GTF3C3: variants seen among roughly 807,000 people sequenced by gnomAD.
The protein encoded by GTF3C3 is general transcription factor IIIC subunit 3, also known as general transcription factor 3C polypeptide 3.
In GTF3C3, 75 loss-of-function variants were observed where a neutral mutation model predicts 105.2. The observed-to-expected ratio is 0.71, with a 90% CI of 0.59 to 0.86. The LOEUF is 0.86. Among genes scored for constraint, GTF3C3 ranks in the 40% least tolerant of loss-of-function variants. The pLI, the probability that GTF3C3 is intolerant of heterozygous loss-of-function variation, is 0.00. For missense variants in GTF3C3, 856 were observed against 1,076.5 expected (o/e 0.80, Z 2.87); for synonymous variants, 335 against 370.4 (o/e 0.90, Z 1.10).
intron 2 of GTF3C3, among the ~76,000 whole-genome samples, chr2:196,794,508 C>G (rs896552276): frequency 6.6e-6 from 1 of 152,246 alleles, no homozygotes; most frequent in Middle Eastern, 3.4e-3. Context: ...AATCTCAGCT[C>G]ACCGCAACCT....
rs778427903 is a variant in GTF3C3 at position 196,791,402 on chromosome 2, T to C, written c.470A>G (p.Asn157Ser). The change falls in exon 4 of 18, where the codon AAC (asparagine) becomes AGC (serine). Residue 157 changes from asparagine to serine, a missense_variant. Coordinates refer to ENST00000263956, the MANE Select transcript of GTF3C3 (RefSeq NM_012086.5). The stretch of plus-strand genomic sequence containing the variant: ...ACGTTCTCCTCGAGCAAAACGAATG[T>C]TGGCTTCACCCATGAGACCTCTCAG... ...RALRGLMGEA[N>S]IRFARGEREE... is the part of the protein sequence containing the mutation. The C allele has an allele frequency of 6.2e-7, 1 of 1,614,062 alleles. No individual in the cohort carries two copies. Among genetic ancestry groups the C allele is most frequent in the East Asian group, 2.2e-5 (1 of 44,872 alleles).
intron 12 of GTF3C3, 53 bp from the exon 13 acceptor site, chr2:196,775,304 G>A: frequency 6.6e-7 from 1 of 1,511,894 alleles, no homozygotes; most frequent in East Asian, 2.3e-5. Context: ...GTTTTGTTTA[G>A]AGACAAAGTC....
rs758765521 is a variant in GTF3C3, at chr2:196,789,918, GTTC to G, written c.685_687del (p.Glu229del). 4 of 1,608,800 alleles carry G rather than the reference GTTC, an allele frequency of 2.5e-6. No homozygotes were observed. In the Admixed American group the frequency reaches 6.8e-5, roughly 27 times the overall value. On this transcript the variant is annotated inframe_deletion, in exon 5 of 18. Transcript: ENST00000263956. ...AAAATAGCCTGCTTAATATTGTCTT[GTTC>G]CAGAGACATTTCTGCCAGTCTAACC...
chr2:196,788,153 C>T (rs1699483991), intron 6 of GTF3C3, among the ~76,000 whole-genome samples: 1 of 152,218 alleles, frequency 6.6e-6, no homozygotes, highest in Non-Finnish European at 1.5e-5. Flanking sequence ...CTTAGGGTTG[C>T]CTTGCCTCAA....
At chr2:196,792,192 C>G (rs1027325267) in intron 3 of GTF3C3, among the ~76,000 whole-genome samples, 1 of 152,310 alleles carries the variant, frequency 6.6e-6, no homozygotes, top group Middle Eastern at 3.4e-3. Context: ...GGGTCTCACT[C>G]TGTTGCCCAG....
Position 196,764,413 on chromosome 2 carries a change from C to CATT in GTF3C3, c.*147_*149dup, listed in dbSNP as rs1327053024. 5.7e-6 allele frequency: 4 copies of CATT among 698,232 alleles called. No individual in the cohort carries two copies. The highest frequency in any genetic ancestry group is 8.8e-6 in the Non-Finnish European group (4 of 452,438). The allele number at this position is 698,232 out of a possible 1,614,324, so 43.3% of individuals were successfully genotyped here. A position where few individuals can be genotyped will look rare whatever the true frequency, so the allele number is the denominator to read the frequency against. ...TAATTTTGCATATATACCACAAGATCATTATCACATATTAAAAATAAATAC... is the reference window on the plus strand; with the variant it reads ...TAATTTTGCATATATACCACAAGATCATTATTATCACATATTAAAAATAAATAC... On this transcript the variant is annotated 3_prime_UTR_variant, in exon 18 of 18. Transcript: ENST00000263956.
intron 2 of GTF3C3, among the ~76,000 whole-genome samples, chr2:196,796,791 G>A (rs1305571444): frequency 6.6e-6 from 1 of 152,104 alleles, no homozygotes; most frequent in East Asian, 1.9e-4. Context: ...TTCCTGTGTT[G>A]GTTTGCTGAG....
rs1440265108 is a variant in GTF3C3, at chr2:196,771,739, GAC to G, written c.2260+7_2260+8del. The G allele has an allele frequency of 1.3e-6, 2 of 1,588,110 alleles. No individual in the cohort carries two copies. The highest frequency in any genetic ancestry group is 3.3e-5 in the Admixed American group (2 of 59,992). ...TATGCTTGACAAAGTCACGTGCCAG[GAC>G]ACTTACCAAGCGCATGCTTAAAACT... On this transcript the variant is annotated splice_region_variant and intron_variant, in intron 15 of 17. Coordinates refer to ENST00000263956, the MANE Select transcript of GTF3C3 (RefSeq NM_012086.5).
intron 14 of GTF3C3, among the ~76,000 whole-genome samples, chr2:196,772,479 C>T (rs1255883553): frequency 1.1e-4 from 17 of 152,048 alleles, no homozygotes; most frequent in Non-Finnish European, 2.1e-4. Context: ...ACCTGGGAGG[C>T]GGAGGTTGCG....
rs1019755391 is a variant in GTF3C3 at position 196,786,636 on chromosome 2, T to C, written c.894-1048A>G. 6.6e-6 allele frequency among the ~76,000 whole-genome samples: 1 copy of C among 152,154 alleles called. No homozygotes were observed. Among genetic ancestry groups the C allele is most frequent in the Non-Finnish European group, 1.5e-5 (1 of 68,020 alleles). On this transcript the variant is annotated intron_variant, in intron 6 of 17. Coordinates refer to ENST00000263956, the MANE Select transcript of GTF3C3 (RefSeq NM_012086.5). This position sits in a 1 kb window ranked among gnomAD's most constrained non-coding sequence, Gnocchi z 4.2. ...CCCTCACAAATCTTCAACGTGTCCC[T>C]CAATTTTTGATTACTCCCATCTAAA...
At chr2:196,795,638 A>G (rs1699629422) in intron 2 of GTF3C3, among the ~76,000 whole-genome samples, 1 of 152,242 alleles carries the variant, frequency 6.6e-6, no homozygotes, top group African/African-American at 2.4e-5. Flanking sequence ...ATTCTTAGTC[A>G]ACTAAAAATG....
At chr2:196,770,312 CCAAAATAAACAATT>C (rs1427929184) in intron 15 of GTF3C3, among the ~76,000 whole-genome samples, 4 of 152,280 alleles carry the variant, frequency 2.6e-5, no homozygotes, top group East Asian at 3.9e-4. Context: ...AGTAATACTT[CCAAAATAAACAATT>C]TATCAGCTGC....
chr2:196,770,833 GAAAAT>G (rs1699160337), intron 15 of GTF3C3, among the ~76,000 whole-genome samples: 1 of 151,924 alleles, frequency 6.6e-6, no homozygotes, highest in South Asian at 2.1e-4. Context: ...TCTAATATAG[GAAAAT>G]AAAATATTTT....
intron 1 of GTF3C3, among the ~76,000 whole-genome samples, chr2:196,798,296 A>AG (rs1227675064): frequency 1.3e-5 from 2 of 152,162 alleles, no homozygotes; most frequent in Non-Finnish European, 2.9e-5. Context: ...AGGCCGAGAC[A>AG]GGCGGATCCC....
chr2:196,798,290 C>A (rs919148658), intron 1 of GTF3C3, among the ~76,000 whole-genome samples: 22 of 152,018 alleles, frequency 1.4e-4, no homozygotes, highest in African/African-American at 5.1e-4. Flanking sequence ...TTTGGGAGGC[C>A]GAGACAGGCG....
At chr2:196,781,356 AAATATATATATAT>A (rs1410121876) in intron 8 of GTF3C3, among the ~76,000 whole-genome samples, 1 of 54,490 alleles carries the variant, frequency 1.8e-5, no homozygotes, top group Non-Finnish European at 4.5e-5. Flanking sequence ...AAAAAAAAAA[AAATATATATATAT>A]ATATATATAT....
At chr2:196,780,262 A>G (rs1325804227) in intron 9 of GTF3C3, 1 of 1,029,412 alleles carries the variant, frequency 9.7e-7, no homozygotes, top group African/African-American at 1.7e-5. Flanking sequence ...GCAAAAAAGA[A>G]TAGCTGTCAG....
chr2:196,785,941 C>T (rs116821405), intron 6 of GTF3C3, among the ~76,000 whole-genome samples: 4,095 of 152,222 alleles, frequency 0.027, 77 homozygotes, highest in Middle Eastern at 0.058. Flanking sequence ...TCTTCCTTCT[C>T]CATGGCCCAA....
chr2:196,780,257 A>G, intron 9 of GTF3C3: 1 of 1,027,182 alleles, frequency 9.7e-7, no homozygotes, highest in Non-Finnish European at 1.2e-6. Flanking sequence ...AGTCCGCAAA[A>G]AAGAATAGCT....
Sources: gnomAD v4.1 joint callset for allele counts (sites outside exome capture counted in the v4.1 genomes callset) on GRCh38, gnomAD v4.1.1 for gene constraint, Gnocchi (gnomAD v3.1) non-coding constraint, MANE v1.5 for transcripts, NCBI Gene and HGNC (gene_info 2026-07-23, HGNC 2026-07-21) for gene names.